The following ADAMTS17 variants were observed in gnomAD, a reference collection of about 807,000 sequenced individuals.
ADAMTS17 encodes ADAM metallopeptidase with thrombospondin type 1 motif 17, also known as A disintegrin and metalloproteinase with thrombospondin motifs 17.
ADAMTS17 carries 113 observed loss-of-function variants against 141.5 expected under a neutral mutation model. The observed-to-expected ratio is 0.80, with a 90% CI of 0.69 to 0.93. ADAMTS17 has a LOEUF of 0.93. Among genes scored for constraint, ADAMTS17 ranks in the 40% least tolerant of loss-of-function variants. The pLI is 0.00. For synonymous variants in ADAMTS17, 768 were observed against 630.6 expected (o/e 1.22, Z -3.27); for missense variants, 1,659 against 1,517.9 (o/e 1.09, Z -1.54).
intron 3 of ADAMTS17, among the ~76,000 whole-genome samples, chr15:100,284,065 A>G (rs576989870): frequency 1.3e-5 from 2 of 152,322 alleles, no homozygotes; most frequent in South Asian, 2.1e-4. Context: ...AGATCACACC[A>G]CTGCAATCCA....
At chr15:100,234,327 C>T (rs1258985907) in intron 7 of ADAMTS17, among the ~76,000 whole-genome samples, 2 of 152,182 alleles carry the variant, frequency 1.3e-5, no homozygotes, top group Non-Finnish European at 2.9e-5. Flanking sequence ...AAATGCTTTA[C>T]GTTCGTTCCA....
chr15:100,032,869 G>C (rs1235920528), intron 18 of ADAMTS17, among the ~76,000 whole-genome samples: 2 of 152,146 alleles, frequency 1.3e-5, no homozygotes, highest in Non-Finnish European at 2.9e-5. Context: ...CCTAACCCAC[G>C]AGACAGCCAG....
At chr15:100,006,692 A>G (rs2141382296) in intron 18 of ADAMTS17, among the ~76,000 whole-genome samples, 2 of 152,348 alleles carry the variant, frequency 1.3e-5, no homozygotes, top group East Asian at 1.9e-4. Context: ...GGCGCAAAAG[A>G]AGGCGCTGGT....
At chr15:100,127,517 T>G (rs1328393291) in intron 12 of ADAMTS17, among the ~76,000 whole-genome samples, 1 of 152,230 alleles carries the variant, frequency 6.6e-6, no homozygotes, top group East Asian at 1.9e-4. Flanking sequence ...AAACGTGGCC[T>G]GCCGCTGCCT....
intron 3 of ADAMTS17, among the ~76,000 whole-genome samples, chr15:100,305,524 C>A (rs1475038096): frequency 6.6e-6 from 1 of 152,244 alleles, no homozygotes; most frequent in African/African-American, 2.4e-5. Context: ...CACGTCCCAT[C>A]TCAGATCAGC....
At chr15:100,308,408 C>T (rs540985666) in intron 3 of ADAMTS17, among the ~76,000 whole-genome samples, 4 of 152,162 alleles carry the variant, frequency 2.6e-5, no homozygotes, top group South Asian at 2.1e-4. Context: ...GGAACACCAT[C>T]GTTCACTCGC....
At chr15:100,332,430 G>A (rs1054402953) in intron 2 of ADAMTS17, among the ~76,000 whole-genome samples, 21 of 152,176 alleles carry the variant, frequency 1.4e-4, no homozygotes, top group African/African-American at 3.6e-4. Context: ...ATGGAGCCCC[G>A]CGTGGGAGGA....
intron 13 of ADAMTS17, among the ~76,000 whole-genome samples, chr15:100,111,061 T>A (rs8023555): frequency 0.68 from 103,996 of 152,064 alleles, 36,592 homozygotes; most frequent in African/African-American, 0.86. Context: ...GCTGTGGGGG[T>A]AAACATCTGC....
At chr15:100,116,764 G>GT in intron 13 of ADAMTS17, 83 bp downstream of exon 13, 1 of 1,595,246 alleles carries the variant, frequency 6.3e-7, no homozygotes, top group Non-Finnish European at 8.6e-7. Context: ...GGAAAGGGAT[G>GT]CCCCCCGGCT....
At chr15:100,267,042 A>C (rs1283039296) in intron 4 of ADAMTS17, among the ~76,000 whole-genome samples, 1 of 152,152 alleles carries the variant, frequency 6.6e-6, no homozygotes, top group Non-Finnish European at 1.5e-5. Context: ...ACTAGTGCAC[A>C]ACCGTGTACT....
chr15:100,014,170 A>C (rs2141416614), intron 18 of ADAMTS17, among the ~76,000 whole-genome samples: 1 of 152,316 alleles, frequency 6.6e-6, no homozygotes, highest in South Asian at 2.1e-4. Flanking sequence ...GTTTATGTAC[A>C]TAAAGATGTT....
intron 15 of ADAMTS17, among the ~76,000 whole-genome samples, chr15:100,094,443 T>C (rs1218565560): frequency 6.6e-6 from 1 of 152,270 alleles, no homozygotes; most frequent in African/African-American, 2.4e-5. Flanking sequence ...CAGGTCTGCC[T>C]AGGTCAAATC....
At position 100,170,541 on chromosome 15, in the gene ADAMTS17, A is replaced by T. The variant is rs1428253195; in HGVS notation, c.1182-15221T>A. Among the ~76,000 whole-genome samples the T allele has an allele frequency of 2.6e-5, 4 of 152,230 alleles. No individual in the cohort carries two copies. The East Asian group carries it at 7.7e-4, about 29-fold the overall frequency. ...AGATACATCAAATTGGGAACCATTG[A>T]AAGTCCCTTCGCGGATTTCAAGATG... On this transcript the variant is annotated intron_variant, in intron 8 of 21. Transcript: ENST00000268070.
intron 4 of ADAMTS17, among the ~76,000 whole-genome samples, chr15:100,268,454 T>C (rs1282003065): frequency 1.3e-5 from 2 of 152,170 alleles, no homozygotes; most frequent in East Asian, 3.9e-4. Context: ...CTTGCCAGCA[T>C]CTGTTATTTT....
rs2046035330 is a variant in ADAMTS17 at position 100,331,009 on chromosome 15, G to C, written c.496C>G (p.Leu166Val). 4.3e-6 allele frequency: 7 copies of C among 1,614,020 alleles called. No homozygotes were observed. In the East Asian group the frequency reaches 1.6e-4, roughly 36 times the overall value. Residue 166 changes from leucine (L) to valine (V), a missense_variant, in exon 3 of 22, where the codon CTC becomes GTC. Transcript: ENST00000268070. ...CTGAATGGGCCCTGGGAGTTGTTGA[G>C]GGGCTGGATTAGCACCTGCTCCTGC... ...LGQEQVLIQP[L>V]NNSQGPFSGR...
rs75464690 is a variant in ADAMTS17, at chr15:100,284,812, T to A, written c.617-3411A>T. Among the ~76,000 whole-genome samples, 822 of 152,276 alleles carry A rather than the reference T, an allele frequency of 5.4e-3. 15 individuals are homozygous for A. The East Asian group carries it at 0.069, about 13-fold the overall frequency. On this transcript the variant is annotated intron_variant, in intron 3 of 21. Coordinates refer to ENST00000268070, the MANE Select transcript of ADAMTS17 (RefSeq NM_139057.4). ...TCACAGATGATAGCAACTTCAAAAGTAAGAAGAAAAACACTAATTTCAGAA... is the reference window on the plus strand; with the variant it reads ...TCACAGATGATAGCAACTTCAAAAGAAAGAAGAAAAACACTAATTTCAGAA...
chr15:100,182,269 C>T lies in ADAMTS17; in HGVS notation c.1181+17049G>A, dbSNP rs139600653. Among the ~76,000 whole-genome samples, 336 of 152,244 alleles carry T rather than the reference C, an allele frequency of 2.2e-3. 3 individuals carry two copies. Among genetic ancestry groups the T allele is most frequent in the African/African-American group, 7.1e-3 (295 of 41,558 alleles). On this transcript the variant is annotated intron_variant, in intron 8 of 21. Transcript: ENST00000268070. ...GTGGCAAGAGAGAGAAGAGCGAAGG[C>T]GGACGAGCCCCTTATAAAATGATCA...
chr15:99,972,682 C>A lies in ADAMTS17; in HGVS notation c.*1720G>T, dbSNP rs1485828273. On this transcript the variant is annotated 3_prime_UTR_variant, in exon 22 of 22. Coordinates refer to ENST00000268070, the MANE Select transcript of ADAMTS17 (RefSeq NM_139057.4). ...TCCATCCTGACACCCTCGGTTCTTT[C>A]CACAGAGCACCCACGGAAGTTTCTC... 1 of 152,180 alleles carries A rather than the reference C, an allele frequency of 6.6e-6. No individual in the cohort carries two copies. The highest frequency in any genetic ancestry group is 1.5e-5 in the Non-Finnish European group (1 of 68,058). 9.4% of individuals were successfully genotyped at this position (152,180 alleles called of 1,614,324 possible). A position where few individuals can be genotyped will look rare whatever the true frequency, so the allele number is the denominator to read the frequency against.
At chr15:100,249,597 C>G (rs2043091154) in intron 7 of ADAMTS17, among the ~76,000 whole-genome samples, 3 of 152,186 alleles carry the variant, frequency 2.0e-5, no homozygotes, top group Admixed American at 2.0e-4. Flanking sequence ...TGTCAGTGGC[C>G]TCCCCACTTC....
Sources: allele counts gnomAD v4.1 joint callset (sites outside exome capture counted in the v4.1 genomes callset), GRCh38; gene constraint gnomAD v4.1.1; transcripts MANE v1.5; gene names NCBI Gene and HGNC (gene_info 2026-07-23, HGNC 2026-07-21).